The following ORC4 variants were observed in gnomAD, a reference collection of about 807,000 sequenced individuals.
The protein encoded by ORC4 is origin recognition complex subunit 4.
ORC4 carries 55 observed loss-of-function variants against 63.9 expected under a neutral mutation model. The ratio of observed to expected loss-of-function variants is 0.86; its 90% CI spans 0.69 to 1.08. ORC4 has a LOEUF of 1.08. Among genes scored for constraint, ORC4 ranks in the 50% least tolerant of loss-of-function variants. The pLI is 0.00. For synonymous variants in ORC4, 150 were observed against 168.5 expected (o/e 0.89, Z 0.85); for missense variants, 511 against 504.4 (o/e 1.01, Z -0.13).
At position 147,955,455 on chromosome 2, in the gene ORC4, GCTGT is replaced by G. The variant is rs879018414; in HGVS notation, c.388-64_388-61del. On this transcript the variant is annotated intron_variant, in intron 6 of 13. Coordinates refer to ENST00000392857, the MANE Select transcript of ORC4 (RefSeq NM_181741.4). ...TTAGTGAAATAAAGAACAAAAGATG[GCTGT>G]CTGATTCTCAAATTTTATATAAACA... 3.1e-4 allele frequency: 380 copies of G among 1,207,628 alleles called. 7 individuals carry two copies. The South Asian group carries it at 3.2e-3, about 10-fold the overall frequency. The allele number at this position is 1,207,628 out of a possible 1,614,324, so 74.8% of individuals were successfully genotyped here. A position where few individuals can be genotyped will look rare whatever the true frequency, so the allele number is the denominator to read the frequency against.
intron 6 of ORC4, among the ~76,000 whole-genome samples, chr2:147,957,157 A>G (rs376555845): frequency 6.8e-6 from 1 of 147,610 alleles, no homozygotes; most frequent in East Asian, 1.9e-4. Flanking sequence ...ATAATAAACT[A>G]TAATTATATA....
chr2:147,966,147 T>C (rs571712739), intron 4 of ORC4, among the ~76,000 whole-genome samples: 1 of 152,006 alleles, frequency 6.6e-6, no homozygotes, highest in South Asian at 2.1e-4. Flanking sequence ...ATTAAGAATA[T>C]TACAGATTCC....
upstream of ORC4, chr2:148,021,286 A>C: frequency 2.8e-6 from 1 of 356,496 alleles, no homozygotes; most frequent in East Asian, 6.9e-5. Context: ...TGAGAGGGGG[A>C]TTGAGCCTGA....
intron 1 of ORC4, among the ~76,000 whole-genome samples, chr2:148,006,361 G>A (rs1264595537): frequency 6.6e-6 from 1 of 152,054 alleles, no homozygotes; most frequent in Non-Finnish European, 1.5e-5. Flanking sequence ...AGTAGTCTAG[G>A]GCCCGGAATA....
At chr2:147,995,519 C>G (rs1270525064) in intron 1 of ORC4, among the ~76,000 whole-genome samples, 2 of 152,136 alleles carry the variant, frequency 1.3e-5, no homozygotes, top group African/African-American at 4.8e-5. Context: ...TCGCTCTTCA[C>G]AATAGATCTT....
At chr2:147,981,222 C>T (rs1690867011) in intron 1 of ORC4, among the ~76,000 whole-genome samples, 2 of 152,132 alleles carry the variant, frequency 1.3e-5, no homozygotes, top group African/African-American at 4.8e-5. Flanking sequence ...ATGGATAGTA[C>T]CCAACTCTCT....
intron 13 of ORC4, chr2:147,937,864 T>G (rs998006310): frequency 2.7e-6 from 1 of 374,702 alleles, no homozygotes; most frequent in African/African-American, 2.1e-5. Flanking sequence ...ATCCTTGGGT[T>G]GGAAAGGGAA....
At chr2:148,016,258 G>C (rs531440750) in intron 1 of ORC4, among the ~76,000 whole-genome samples, 84 of 152,246 alleles carry the variant, frequency 5.5e-4, no homozygotes, top group African/African-American at 1.9e-3. Context: ...GCTGGACCGC[G>C]AAGAAGCTCC....
intron 1 of ORC4, among the ~76,000 whole-genome samples, chr2:148,015,307 A>ATTTT (rs1158861758): frequency 5.2e-4 from 48 of 92,314 alleles, no homozygotes; most frequent in East Asian, 9.8e-4. Context: ...TGATATTGGA[A>ATTTT]TTTTTTTTTT....
intron 1 of ORC4, among the ~76,000 whole-genome samples, chr2:147,994,616 T>C (rs1377695520): frequency 6.6e-6 from 1 of 152,136 alleles, no homozygotes; most frequent in African/African-American, 2.4e-5. Context: ...CAAATGGTAA[T>C]GGAAAAACTA....
chr2:147,957,319 G>T (rs2105311755), intron 6 of ORC4, among the ~76,000 whole-genome samples: 1 of 150,490 alleles, frequency 6.6e-6, no homozygotes, highest in East Asian at 1.9e-4. Context: ...ACTCATAAAT[G>T]CTAGGAGTCT....
At chr2:148,008,138 T>C (rs1442077638) in intron 1 of ORC4, among the ~76,000 whole-genome samples, 1 of 152,188 alleles carries the variant, frequency 6.6e-6, no homozygotes, top group Admixed American at 6.5e-5. Context: ...GACTCATCTT[T>C]CAGAAAATGC....
chr2:147,994,042 ACTTC>A (rs1445467386), intron 1 of ORC4, among the ~76,000 whole-genome samples: 2 of 152,232 alleles, frequency 1.3e-5, no homozygotes, highest in Non-Finnish European at 2.9e-5. Flanking sequence ...CAAATTGTCA[ACTTC>A]CTTCCTATGT....
intron 1 of ORC4, among the ~76,000 whole-genome samples, chr2:147,997,970 A>G (rs1010291967): frequency 6.6e-6 from 1 of 152,212 alleles, no homozygotes; most frequent in Non-Finnish European, 1.5e-5. Flanking sequence ...CAGTGTTGGT[A>G]TAACATGCTG....
chr2:147,995,392 G>A (rs935301275), intron 1 of ORC4, among the ~76,000 whole-genome samples: 3 of 152,018 alleles, frequency 2.0e-5, no homozygotes, highest in African/African-American at 7.3e-5. Flanking sequence ...ATAAAAGTTG[G>A]CATGGACCAA....
At chr2:147,941,774 A>G (rs992147730) in intron 10 of ORC4, among the ~76,000 whole-genome samples, 10 of 151,730 alleles carry the variant, frequency 6.6e-5, no homozygotes, top group African/African-American at 1.9e-4. Context: ...ATGTGTGTGT[A>G]TATATATATA....
intron 1 of ORC4, among the ~76,000 whole-genome samples, chr2:148,014,490 T>C (rs961330912): frequency 1.3e-5 from 2 of 152,166 alleles, no homozygotes; most frequent in Non-Finnish European, 2.9e-5. Flanking sequence ...CATATATTCC[T>C]ATAATTTTTT....
intron 2 of ORC4, 115 bp from the exon 3 acceptor site, chr2:147,973,639 C>T: frequency 1.6e-6 from 1 of 640,148 alleles, no homozygotes; most frequent in Non-Finnish European, 2.7e-6. Flanking sequence ...CAATTCAACC[C>T]TCCCTAAATT....
chr2:147,954,670 A>T (rs190419633), intron 7 of ORC4, among the ~76,000 whole-genome samples: 1 of 152,328 alleles, frequency 6.6e-6, no homozygotes, highest in East Asian at 1.9e-4. Context: ...AATGACAAGC[A>T]TCACCACTAT....
Sources: gnomAD v4.1 joint callset for allele counts (sites outside exome capture counted in the v4.1 genomes callset) on GRCh38, gnomAD v4.1.1 for gene constraint, MANE v1.5 for transcripts, NCBI Gene and HGNC (gene_info 2026-07-23, HGNC 2026-07-21) for gene names.